The following CDH15 variants were observed in gnomAD, a reference collection of about 807,000 sequenced individuals.
CDH15 encodes cadherin 15, also known as cadherin-15.
In CDH15, 73 loss-of-function variants were observed where a neutral mutation model predicts 69.4. The observed-to-expected ratio is 1.05, with a 90% CI of 0.87 to 1.28. The LOEUF (loss-of-function observed/expected upper bound fraction) is 1.28, where lower values mean the gene tolerates loss of function less well. Ranked by LOEUF, CDH15 falls within the 50% of genes most tolerant of loss-of-function variation. CDH15 has a pLI of 0.00. For synonymous variants in CDH15, 624 were observed against 507.7 expected (o/e 1.23, Z -3.08); for missense variants, 1,343 against 1,133.6 (o/e 1.18, Z -2.65).
intron 3 of CDH15, chr16:89,183,169 T>G (rs1454105992): frequency 2.8e-5 from 5 of 178,846 alleles, no homozygotes; most frequent in African/African-American, 5.0e-5. Context: ...GCAACAAGAG[T>G]GAAACTCTAT....
rs146051428 is a variant in CDH15 at position 89,187,458 on chromosome 16, G to T, written c.693G>T (p.Gln231His). The T allele has an allele frequency of 6.2e-7, 1 of 1,613,516 alleles. No homozygotes were observed. Among genetic ancestry groups the T allele is most frequent in the South Asian group, 1.1e-5 (1 of 91,074 alleles). The change falls in exon 6 of 14, where the codon CAG becomes CAT. Residue 231 changes from glutamine (Q) to histidine (H), a missense_variant. Coordinates refer to ENST00000289746, the MANE Select transcript of CDH15 (RefSeq NM_004933.3). ...TCGCGGTGTACAATCTGACCCTGCA[G>T]GTGGCGGACATGTCTGGAGACGGCC... is the stretch of plus-strand genomic sequence containing the variant. ...EVVAVYNLTL[Q>H]VADMSGDGLT...
intron 3 of CDH15, 87 bp downstream of exon 3, chr16:89,180,442 C>A: frequency 1.4e-6 from 2 of 1,439,720 alleles, no homozygotes. Flanking sequence ...CTTCTCCTCC[C>A]CGCTCGGTGG....
chr16:89,184,115 G>A (rs941437145), intron 4 of CDH15, among the ~76,000 whole-genome samples: 3 of 152,186 alleles, frequency 2.0e-5, no homozygotes, highest in South Asian at 2.1e-4. Flanking sequence ...CCTGGGGGCC[G>A]GTGGTAAAGA....
intron 2 of CDH15, 70 bp downstream of exon 2, chr16:89,179,644 T>C: frequency 4.1e-6 from 6 of 1,458,462 alleles, no homozygotes; most frequent in Non-Finnish European, 5.5e-6. Flanking sequence ...CCTCATTCTC[T>C]AAAGGTCTCC....
intron 1 of CDH15, 109 bp from the exon 2 acceptor site, chr16:89,179,307 G>A (rs1023466942): frequency 3.5e-5 from 46 of 1,313,952 alleles, no homozygotes; most frequent in Non-Finnish European, 4.9e-5. Flanking sequence ...CGTGGGCTGA[G>A]GGAAACACTG....
intron 13 of CDH15, 47 bp downstream of exon 13, chr16:89,193,960 G>GCACACACACATGCACATGTA (rs1295756109): frequency 1.3e-6 from 2 of 1,595,282 alleles, no homozygotes; most frequent in African/African-American, 1.3e-5. Context: ...ACGCACAGGT[G>GCACACACACATGCACATGTA]CACACACACA....
At chr16:89,192,140 G>T (rs1597312455) in intron 10 of CDH15, 65 bp from the exon 11 acceptor site, 3 of 1,471,686 alleles carry the variant, frequency 2.0e-6, no homozygotes, top group Middle Eastern at 2.4e-4. Context: ...GTCTCGGCGC[G>T]AGGAGGGCAG....
intron 1 of CDH15, among the ~76,000 whole-genome samples, chr16:89,172,665 C>G (rs1915181181): frequency 6.6e-6 from 1 of 152,194 alleles, no homozygotes; most frequent in Admixed American, 6.5e-5. Context: ...CCCCCACACC[C>G]GACATGGGTA....
intron 1 of CDH15, among the ~76,000 whole-genome samples, chr16:89,172,284 T>C (rs1414150007): frequency 1.3e-5 from 2 of 152,098 alleles, no homozygotes; most frequent in Non-Finnish European, 2.9e-5. Flanking sequence ...AGGGACTCCC[T>C]GCGGTGGGCA....
chr16:89,185,975 T>A (rs1271461890), intron 5 of CDH15: 2 of 158,532 alleles, frequency 1.3e-5, no homozygotes, highest in Non-Finnish European at 2.7e-5. Context: ...GCAGAGTAGG[T>A]GCTCTGTAAA....
chr16:89,182,360 G>T (rs1382682427), intron 3 of CDH15, among the ~76,000 whole-genome samples: 2 of 145,858 alleles, frequency 1.4e-5, no homozygotes, highest in African/African-American at 2.5e-5. Context: ...GTCATTTTGG[G>T]CTGGGCACAA....
intron 3 of CDH15, among the ~76,000 whole-genome samples, chr16:89,181,627 AC>A (rs1338725373): frequency 6.7e-6 from 1 of 150,178 alleles, no homozygotes; most frequent in African/African-American, 2.5e-5. Flanking sequence ...ACAGAGGAAG[AC>A]CCTCTCTCAA....
At chr16:89,185,108 C>T (rs1915453025) in intron 4 of CDH15, 65 bp from the exon 5 acceptor site, 1 of 1,508,442 alleles carries the variant, frequency 6.6e-7, no homozygotes, top group African/African-American at 1.4e-5. Flanking sequence ...CCCCACGCCC[C>T]TCACAATGCC....
chr16:89,172,020 C>A (rs764186237), intron 1 of CDH15, 147 bp downstream of exon 1: 26 of 790,302 alleles, frequency 3.3e-5, no homozygotes, highest in Admixed American at 4.6e-5. Flanking sequence ...CCGGGTGGGT[C>A]CCTGGGCTGG....
At position 89,191,436 on chromosome 16, in the gene CDH15, G is replaced by C; in HGVS notation, c.1339G>C (p.Gly447Arg). The change falls in exon 9 of 14, where the codon GGC (glycine) becomes CGC (arginine). Residue 447 changes from glycine to arginine, a missense_variant. Transcript: ENST00000289746. Reference protein sequence around the residue: ...LSPASPFLKGGWYRAIVLAQD... With the variant: ...LSPASPFLKGRWYRAIVLAQD... ...CCCGGCGTCCCCCTTCCTCAAGGGC[G>C]GCTGGTACAGAGCCATCGTCCTGGC... 1 of 1,612,712 alleles carries C rather than the reference G, an allele frequency of 6.2e-7. No individual in the cohort carries two copies. The highest frequency in any genetic ancestry group is 8.5e-7 in the Non-Finnish European group (1 of 1,179,988).
At chr16:89,191,965 G>C (rs1000430407) in intron 10 of CDH15, 71 bp downstream of exon 10, 2 of 1,409,668 alleles carry the variant, frequency 1.4e-6, no homozygotes, top group Non-Finnish European at 1.9e-6. Flanking sequence ...GGCCTCGGAC[G>C]GGGGCAGGAG....
At chr16:89,175,522 G>A (rs1915239294) in intron 1 of CDH15, among the ~76,000 whole-genome samples, 1 of 152,238 alleles carries the variant, frequency 6.6e-6, no homozygotes, top group Non-Finnish European at 1.5e-5. Flanking sequence ...GCTGGGAGGT[G>A]AAGGGACCAC....
At chr16:89,184,706 G>T (rs563642400) in intron 4 of CDH15, among the ~76,000 whole-genome samples, 1 of 151,960 alleles carries the variant, frequency 6.6e-6, no homozygotes, top group South Asian at 2.1e-4. Flanking sequence ...TGCGTCCTCT[G>T]TCTTATCCTG....
At chr16:89,179,869 G>C (rs1168967686) in intron 2 of CDH15, among the ~76,000 whole-genome samples, 1 of 152,240 alleles carries the variant, frequency 6.6e-6, no homozygotes, top group African/African-American at 2.4e-5. Context: ...TTTTGTGTGC[G>C]TGTTCGCCGA....
Sources: gnomAD v4.1 joint callset for allele counts (sites outside exome capture counted in the v4.1 genomes callset) on GRCh38, gnomAD v4.1.1 for gene constraint, MANE v1.5 for transcripts, NCBI Gene and HGNC (gene_info 2026-07-23, HGNC 2026-07-21) for gene names.